LHFPL6: variants seen among roughly 807,000 people sequenced by gnomAD.
LHFPL6 encodes LHFPL tetraspan subfamily member 6, also known as LHFPL tetraspan subfamily member 6 protein.
LHFPL6 carries 9 observed loss-of-function variants against 20.6 expected under a neutral mutation model. The ratio of observed to expected loss-of-function variants is 0.44; its 90% CI spans 0.26 to 0.76. The LOEUF (loss-of-function observed/expected upper bound fraction) is 0.76, where lower values mean the gene tolerates loss of function less well. Ranked by LOEUF, LHFPL6 falls within the 30% of genes least tolerant of loss-of-function variation. LHFPL6 has a pLI of 0.20. For missense variants in LHFPL6, 218 were observed against 253.5 expected (o/e 0.86, Z 0.95); for synonymous variants, 105 against 98.7 (o/e 1.06, Z -0.38).
intron 2 of LHFPL6, among the ~76,000 whole-genome samples, chr13:39,505,171 CA>C (rs1566126872): frequency 6.6e-6 from 1 of 152,148 alleles, no homozygotes; most frequent in African/African-American, 2.4e-5. Context: ...TCAACCATTC[CA>C]GGAGGAAACG....
At chr13:39,436,371 G>A (rs919119592) in intron 2 of LHFPL6, among the ~76,000 whole-genome samples, 26 of 152,094 alleles carry the variant, frequency 1.7e-4, no homozygotes, top group Non-Finnish European at 5.9e-5. Context: ...TTTTAAATGA[G>A]CATAGCTTGC....
chr13:39,589,602 C>G (rs929846503), intron 2 of LHFPL6, among the ~76,000 whole-genome samples: 33 of 151,970 alleles, frequency 2.2e-4, no homozygotes, highest in African/African-American at 7.7e-4. Context: ...TTTTATTGAT[C>G]CAGATTGATA....
At chr13:39,481,986 A>C (rs569997054) in intron 2 of LHFPL6, among the ~76,000 whole-genome samples, 1 of 152,178 alleles carries the variant, frequency 6.6e-6, no homozygotes, top group African/African-American at 2.4e-5. Context: ...GATATGGGGA[A>C]TCAAAAGTTC....
intron 2 of LHFPL6, among the ~76,000 whole-genome samples, chr13:39,510,105 T>G (rs74046524): frequency 7.9e-5 from 12 of 152,234 alleles, no homozygotes; most frequent in African/African-American, 2.9e-4. Flanking sequence ...CTGCTGATGG[T>G]TACTGACTGC....
At chr13:39,491,563 A>G (rs1482653596) in intron 2 of LHFPL6, among the ~76,000 whole-genome samples, 1 of 152,194 alleles carries the variant, frequency 6.6e-6, no homozygotes, top group Non-Finnish European at 1.5e-5. Flanking sequence ...CTTTCTGATG[A>G]GGATGTGCAA....
At chr13:39,356,854 A>G (rs530250802) in intron 3 of LHFPL6, among the ~76,000 whole-genome samples, 221 of 152,360 alleles carry the variant, frequency 1.5e-3, no homozygotes, top group African/African-American at 5.1e-3. Context: ...ATGAGTTCTG[A>G]AATTGAATCA....
intron 2 of LHFPL6, among the ~76,000 whole-genome samples, chr13:39,596,029 T>A (rs1872761175): frequency 6.6e-6 from 1 of 152,196 alleles, no homozygotes. Context: ...CTTCAGAAGT[T>A]GTATTAAGGT....
intron 2 of LHFPL6, among the ~76,000 whole-genome samples, chr13:39,567,602 C>T (rs1871768340): frequency 1.3e-5 from 2 of 152,154 alleles, no homozygotes; most frequent in Admixed American, 6.5e-5. Context: ...TCCTCTTCTA[C>T]CTTTTCCTTC....
At chr13:39,357,843 C>T (rs532550376) in intron 3 of LHFPL6, among the ~76,000 whole-genome samples, 5 of 152,110 alleles carry the variant, frequency 3.3e-5, no homozygotes, top group South Asian at 2.1e-4. Context: ...AAGAAATCAT[C>T]GATGACACAA....
At chr13:39,519,109 G>A (rs574786577) in intron 2 of LHFPL6, among the ~76,000 whole-genome samples, 66 of 151,902 alleles carry the variant, frequency 4.3e-4, no homozygotes, top group African/African-American at 1.4e-3. Context: ...GGTGGTGAGC[G>A]CCTGTAATCC....
chr13:39,392,431 C>T (rs1481764107), intron 2 of LHFPL6, among the ~76,000 whole-genome samples: 1 of 152,100 alleles, frequency 6.6e-6, no homozygotes, highest in Non-Finnish European at 1.5e-5. Flanking sequence ...CCTGTCTCTA[C>T]TAAAAATACA....
chr13:39,355,354 A>T (rs1869695613), intron 3 of LHFPL6, among the ~76,000 whole-genome samples: 1 of 152,184 alleles, frequency 6.6e-6, no homozygotes, highest in Non-Finnish European at 1.5e-5. Context: ...AAAGAAATTC[A>T]TTACCACCAG....
chr13:39,367,540 G>C (rs1251025930), intron 3 of LHFPL6, among the ~76,000 whole-genome samples: 1 of 152,220 alleles, frequency 6.6e-6, no homozygotes, highest in East Asian at 1.9e-4. Flanking sequence ...GGGTTCAACT[G>C]TGTTCTAGCT....
At chr13:39,432,285 G>C (rs757658238) in intron 2 of LHFPL6, among the ~76,000 whole-genome samples, 1 of 152,166 alleles carries the variant, frequency 6.6e-6, no homozygotes, top group African/African-American at 2.4e-5. Flanking sequence ...TAAACCAGTG[G>C]CAAGAGTGAT....
In LHFPL6 at chr13:39,395,062, C is replaced by T. The variant is rs116921623; in HGVS notation, c.386-16536G>A. On this transcript the variant is annotated intron_variant, in intron 2 of 3. Transcript: ENST00000379589. The stretch of plus-strand genomic sequence containing the variant: ...CCACGGGGCTCCAAACAGAAGTGTC[C>T]AGAGGTGTGAAAGAGGTGGATCAGA... Among the ~76,000 whole-genome samples the T allele has an allele frequency of 9.1e-3, 1,381 of 152,194 alleles. 10 individuals are homozygous for T. Among genetic ancestry groups the T allele is most frequent in the Non-Finnish European group, 0.014 (958 of 68,004 alleles).
chr13:39,492,901 A>G (rs1029110715), intron 2 of LHFPL6, among the ~76,000 whole-genome samples: 3 of 151,964 alleles, frequency 2.0e-5, no homozygotes, highest in African/African-American at 7.2e-5. Flanking sequence ...GCTTGTCTTG[A>G]ATTCCCGACC....
chr13:39,415,458 T>C (rs373890727), intron 2 of LHFPL6, among the ~76,000 whole-genome samples: 120 of 151,844 alleles, frequency 7.9e-4, no homozygotes, highest in African/African-American at 2.8e-3. Flanking sequence ...ATGTTAATAG[T>C]GTATTCCTCT....
intron 2 of LHFPL6, among the ~76,000 whole-genome samples, chr13:39,464,151 T>G (rs1872746997): frequency 6.6e-6 from 1 of 152,172 alleles, no homozygotes; most frequent in East Asian, 1.9e-4. Context: ...GCTCAGCAAT[T>G]AAACAGTCCA....
chr13:39,507,889 C>CCCTTCCTTTCTT (rs1555265407), intron 2 of LHFPL6, among the ~76,000 whole-genome samples: 1 of 143,502 alleles, frequency 7.0e-6, no homozygotes, highest in African/African-American at 2.6e-5. Context: ...TGCCTCCCCT[C>CCCTTCCTTTCTT]CCTTCCTTCC....
Sources: gnomAD v4.1 joint callset for allele counts (sites outside exome capture counted in the v4.1 genomes callset) on GRCh38, gnomAD v4.1.1 for gene constraint, MANE v1.5 for transcripts, NCBI Gene and HGNC (gene_info 2026-07-23, HGNC 2026-07-21) for gene names.